Variants in TRAPPC9 observed in about 807,000 individuals in gnomAD.
The protein encoded by TRAPPC9 is IKK2 binding protein.
A neutral mutation model predicts 124.0 loss-of-function variants in TRAPPC9; 83 were observed. That is an observed-to-expected ratio of 0.67 (90% CI 0.56 to 0.80). The LOEUF (loss-of-function observed/expected upper bound fraction) is 0.80, where lower values mean the gene tolerates loss of function less well. Ranked by LOEUF, TRAPPC9 falls within the 30% of genes least tolerant of loss-of-function variation. The probability of loss-of-function intolerance (pLI) is 0.00; values close to 1 mark genes in which losing one functional copy is unlikely to be tolerated. For missense variants in TRAPPC9, 1,302 were observed against 1,508.3 expected, an observed-to-expected ratio of 0.86 and a Z score of 2.27; for synonymous variants, 638 against 617.5, an observed-to-expected ratio of 1.03 and a Z score of -0.49.
At chr8:139,732,989 G>T (rs1817939371) in intron 21 of TRAPPC9, among the ~76,000 whole-genome samples, 1 of 152,176 alleles carries the variant, frequency 6.6e-6, no homozygotes, top group Non-Finnish European at 1.5e-5. Flanking sequence ...AGGTCAGGGT[G>T]GGGTGGGGGC....
At chr8:140,014,852 G>A (rs140441962) in intron 18 of TRAPPC9, among the ~76,000 whole-genome samples, 74 of 152,332 alleles carry the variant, frequency 4.9e-4, no homozygotes, top group Non-Finnish European at 8.4e-4. Context: ...GTGTGCATGG[G>A]ATGCCCGACG....
chr8:140,078,389 C>T lies in TRAPPC9; in HGVS notation c.2557-54310G>A, dbSNP rs146600770. Among the ~76,000 whole-genome samples the T allele has an allele frequency of 2.0e-3, 311 of 152,276 alleles. 1 individual carries two copies. The highest frequency in any genetic ancestry group is 3.6e-3 in the Non-Finnish European group (244 of 68,026). On this transcript the variant is annotated intron_variant, in intron 17 of 22. Coordinates refer to ENST00000438773, the MANE Select transcript of TRAPPC9 (RefSeq NM_001160372.4). ...CCCAGGCTTTTCAGCACTCTTTGAT[C>T]CCACCAAAATCTTGGCCTCAGGCAG... is the stretch of plus-strand genomic sequence containing the variant.
chr8:139,812,078 T>A (rs1824482887), intron 21 of TRAPPC9, among the ~76,000 whole-genome samples: 1 of 152,142 alleles, frequency 6.6e-6, no homozygotes, highest in Non-Finnish European at 1.5e-5. Context: ...GAGAGATATC[T>A]CCTGGAACCA....
Position 139,984,972 on chromosome 8 carries a change from G to A in TRAPPC9, c.2810+3754C>T, listed in dbSNP as rs1023573642. Among the ~76,000 whole-genome samples the A allele has an allele frequency of 1.3e-5, 2 of 152,212 alleles. No individual in the cohort carries two copies. Among genetic ancestry groups the A allele is most frequent in the African/African-American group, 4.8e-5 (2 of 41,448 alleles). On this transcript the variant is annotated intron_variant, in intron 19 of 22. Coordinates refer to ENST00000438773, the MANE Select transcript of TRAPPC9 (RefSeq NM_001160372.4). The surrounding 1 kb of genome is among the most constrained non-coding windows in gnomAD (Gnocchi z 4.3). ...GGTTAGACACTTGTCCCAATGTGTT[G>A]CCAATCCCCAGCGAGGAGGGGCCCT... is the stretch of plus-strand genomic sequence containing the variant.
chr8:140,334,029 T>C (rs984865703), intron 9 of TRAPPC9, among the ~76,000 whole-genome samples: 15 of 152,230 alleles, frequency 9.9e-5, no homozygotes, highest in African/African-American at 3.4e-4. Flanking sequence ...AGTGCCATTG[T>C]TTACAGATGA....
In TRAPPC9 at chr8:139,730,999, G is replaced by T. The variant is rs1817781947; in HGVS notation, c.*62C>A. 1.3e-6 allele frequency: 2 copies of T among 1,580,608 alleles called. No individual in the cohort carries two copies. The highest frequency in any genetic ancestry group is 1.3e-5 in the African/African-American group (1 of 74,508). ...GTGAAGGCCTTGCTCATTGCAGGGGGTGTGGGAGGCCAGGCAGGGTCACCT... is the reference window on the plus strand; with the variant it reads ...GTGAAGGCCTTGCTCATTGCAGGGGTTGTGGGAGGCCAGGCAGGGTCACCT... On this transcript the variant is annotated 3_prime_UTR_variant, in exon 23 of 23. Transcript: ENST00000438773.
Position 140,105,288 on chromosome 8 carries a change from T to C in TRAPPC9, c.2557-81209A>G, listed in dbSNP as rs141256187. On this transcript the variant is annotated intron_variant, in intron 17 of 22. Coordinates refer to ENST00000438773, the MANE Select transcript of TRAPPC9 (RefSeq NM_001160372.4). ...GGTCTATAAATATATGGCAAATTGATGGATGAATTGGTAATTTATTCTGAA... is the reference window on the plus strand; with the variant it reads ...GGTCTATAAATATATGGCAAATTGACGGATGAATTGGTAATTTATTCTGAA... Among the ~76,000 whole-genome samples, 16 of 152,320 alleles carry C rather than the reference T, an allele frequency of 1.1e-4. No individual in the cohort carries two copies. In the East Asian group the frequency reaches 3.1e-3, roughly 29 times the overall value.
upstream of TRAPPC9, chr8:140,458,163 GGAGATGGAGC>G (rs1454516649): frequency 6.3e-5 from 90 of 1,439,292 alleles, no homozygotes; most frequent in Non-Finnish European, 7.6e-5. Flanking sequence ...GGAGATGGAG[GGAGATGGAGC>G]GAGGAGGGAG....
intron 17 of TRAPPC9, chr8:140,100,422 T>C (rs952089492): frequency 6.6e-5 from 10 of 152,162 alleles, no homozygotes; most frequent in African/African-American, 2.4e-4. Flanking sequence ...ACCCAGGTCT[T>C]CTACTGCTGT....
chr8:139,767,441 T>A (rs1425181724), intron 21 of TRAPPC9, among the ~76,000 whole-genome samples: 2 of 152,146 alleles, frequency 1.3e-5, no homozygotes, highest in Non-Finnish European at 2.9e-5. Flanking sequence ...GAGGGCAGCA[T>A]CCCGTCCTCA....
At chr8:140,436,072 G>T (rs2070802473) in intron 3 of TRAPPC9, among the ~76,000 whole-genome samples, 2 of 152,194 alleles carry the variant, frequency 1.3e-5, no homozygotes, top group South Asian at 4.1e-4. Flanking sequence ...TAGGCCAGAC[G>T]CAGTGGCTCA....
intron 21 of TRAPPC9, among the ~76,000 whole-genome samples, chr8:139,790,134 C>T (rs988210145): frequency 1.3e-5 from 2 of 152,236 alleles, no homozygotes; most frequent in African/African-American, 4.8e-5. Flanking sequence ...AGGACACACA[C>T]ACGGGCAAGG....
At chr8:140,128,019 T>C (rs2130678579) in intron 17 of TRAPPC9, among the ~76,000 whole-genome samples, 1 of 152,390 alleles carries the variant, frequency 6.6e-6, no homozygotes, top group South Asian at 2.1e-4. Context: ...CTTGCCTTAC[T>C]AAAATGATTC....
intron 17 of TRAPPC9, among the ~76,000 whole-genome samples, chr8:140,196,769 GCTATACAGCTCA>G (rs1563837474): frequency 1.5e-5 from 2 of 137,236 alleles, no homozygotes; most frequent in African/African-American, 5.6e-5. Flanking sequence ...TCAATGATCC[GCTATACAGCTCA>G]CACCTGTGAC....
In TRAPPC9 at chr8:140,182,050, G is replaced by A. The variant is rs2062217627; in HGVS notation, c.2556+39409C>T. Among the ~76,000 whole-genome samples the A allele has an allele frequency of 6.6e-6, 1 of 152,144 alleles. No homozygotes were observed. Among genetic ancestry groups the A allele is most frequent in the African/African-American group, 2.4e-5 (1 of 41,434 alleles). Reference sequence around the variant, plus strand: ...AAGCCCTTCATGACTCAGTACCAGGGAGCTGCAGCCTGAACTCCCTTCTTT... The same window carrying A: ...AAGCCCTTCATGACTCAGTACCAGGAAGCTGCAGCCTGAACTCCCTTCTTT... On this transcript the variant is annotated intron_variant, in intron 17 of 22. Coordinates refer to ENST00000438773, the MANE Select transcript of TRAPPC9 (RefSeq NM_001160372.4). The surrounding 1 kb of genome is among the most constrained non-coding windows in gnomAD (Gnocchi z 4.0).
chr8:140,016,666 C>G (rs1399317270), intron 18 of TRAPPC9, among the ~76,000 whole-genome samples: 1 of 152,142 alleles, frequency 6.6e-6, no homozygotes, highest in East Asian at 1.9e-4. Flanking sequence ...TGGCAGCACC[C>G]CACATTGTTT....
intron 20 of TRAPPC9, among the ~76,000 whole-genome samples, chr8:139,894,490 C>G (rs758796352): frequency 1.3e-5 from 2 of 152,166 alleles, no homozygotes; most frequent in Non-Finnish European, 2.9e-5. Flanking sequence ...GCCACTCCTC[C>G]TAGGAAACGC....
chr8:140,103,965 C>T (rs11166950), intron 17 of TRAPPC9, among the ~76,000 whole-genome samples: 150,529 of 152,362 alleles, frequency 0.99, 74,364 homozygotes, highest in Middle Eastern at 1. Flanking sequence ...CAGAAATACG[C>T]GTTTTTGAGC....
chr8:140,315,329 T>C (rs953492597), intron 9 of TRAPPC9, among the ~76,000 whole-genome samples: 5 of 151,682 alleles, frequency 3.3e-5, no homozygotes, highest in African/African-American at 9.7e-5. Context: ...ATCATTATTG[T>C]CAAAGACACA....
Sources: allele counts gnomAD v4.1 joint callset (sites outside exome capture counted in the v4.1 genomes callset), GRCh38; gene constraint gnomAD v4.1.1; non-coding constraint Gnocchi (gnomAD v3.1); transcripts MANE v1.5; gene names NCBI Gene and HGNC (gene_info 2026-07-23, HGNC 2026-07-21).